The following MIA2 variants were observed in gnomAD, a reference collection of about 807,000 sequenced individuals.
MIA2 encodes melanoma inhibitory activity protein 2.
Under a neutral mutation model 167.8 loss-of-function variants are expected in MIA2, and 127 were observed. The observed-to-expected ratio is 0.76, with a 90% CI of 0.66 to 0.88. MIA2 has a LOEUF of 0.88. Ranked by LOEUF, MIA2 falls within the 40% of genes least tolerant of loss-of-function variation. MIA2 has a pLI of 0.00. For missense variants in MIA2, 1,690 were observed against 1,624.7 expected (o/e 1.04, Z -0.69); for synonymous variants, 552 against 541.9 (o/e 1.02, Z -0.26).
In MIA2 at chr14:39,247,469, G is replaced by C. The variant is rs758383265; in HGVS notation, c.895G>C (p.Glu299Gln). ...ACAGTCTGAACTAGCATCTGAGTCAGAGCACATTCCCAAACCTCAATCCAC... is the reference window on the plus strand; with the variant it reads ...ACAGTCTGAACTAGCATCTGAGTCACAGCACATTCCCAAACCTCAATCCAC... ...KTQSELASES[E>Q]HIPKPQSTGW... The change falls in exon 4 of 29, where the codon GAG (glutamate) becomes CAG (glutamine). Residue 299 changes from glutamate to glutamine, a missense_variant. Transcript: ENST00000640607. The C allele has an allele frequency of 3.6e-5, 58 of 1,613,784 alleles. No individual in the cohort carries two copies. Among genetic ancestry groups the C allele is most frequent in the Non-Finnish European group, 4.7e-5 (55 of 1,179,948 alleles).
intron 18 of MIA2, 128 bp downstream of exon 18, chr14:39,308,715 T>C (rs2063743279): frequency 3.7e-6 from 3 of 806,752 alleles, no homozygotes; most frequent in Non-Finnish European, 5.6e-6. Context: ...CATCAACTTA[T>C]TTTTAAGAAA....
At chr14:39,355,741 T>G (rs1240310281), downstream of MIA2, among the ~76,000 whole-genome samples, 1 of 152,220 alleles carries the variant, frequency 6.6e-6, no homozygotes. Context: ...ATACCTAATT[T>G]ATTGAGAGTT....
chr14:39,320,145 A>G (rs530176157), intron 23 of MIA2, among the ~76,000 whole-genome samples: 1 of 139,874 alleles, frequency 7.1e-6, no homozygotes, highest in African/African-American at 2.7e-5. Context: ...CAAGAAGGGT[A>G]ACTAATGCTT....
intron 20 of MIA2, 102 bp downstream of exon 20, chr14:39,314,901 C>T (rs1251599471): frequency 1.0e-5 from 9 of 892,834 alleles, no homozygotes; most frequent in Non-Finnish European, 7.9e-6. Flanking sequence ...AATTACTTGA[C>T]CAGTTGTATA....
intron 6 of MIA2, chr14:39,266,959 C>G: frequency 1.5e-6 from 1 of 683,954 alleles, no homozygotes; most frequent in Non-Finnish European, 1.8e-6. Flanking sequence ...GTGCGGCTCA[C>G]ACGACAGCGC....
chr14:39,258,371 T>G (rs932823537), intron 6 of MIA2, among the ~76,000 whole-genome samples: 4 of 152,214 alleles, frequency 2.6e-5, no homozygotes, highest in African/African-American at 9.6e-5. Context: ...TCCTCTTGAT[T>G]GATTTAGCTA....
At chr14:39,334,693 A>C (rs1299963369) in intron 25 of MIA2, among the ~76,000 whole-genome samples, 1 of 151,134 alleles carries the variant, frequency 6.6e-6, no homozygotes, top group Non-Finnish European at 1.5e-5. Context: ...CATCCTCCCG[A>C]GTACCCGGGA....
At chr14:39,267,493 T>C (rs777515592) in intron 6 of MIA2, 5 of 1,613,188 alleles carry the variant, frequency 3.1e-6, no homozygotes, top group Non-Finnish European at 3.4e-6. Flanking sequence ...TCAACCGTAT[T>C]TGGGGCTGCT....
At chr14:39,271,176 T>C (rs904665715) in intron 6 of MIA2, among the ~76,000 whole-genome samples, 1 of 152,222 alleles carries the variant, frequency 6.6e-6, no homozygotes, top group African/African-American at 2.4e-5. Context: ...CCTTGGCATG[T>C]GGATATTTAT....
chr14:39,298,431 ATATATATATAT>A (rs1304857195), intron 13 of MIA2, among the ~76,000 whole-genome samples: 1,100 of 20,520 alleles, frequency 0.054, 119 homozygotes, highest in African/African-American at 0.19. Context: ...ATATATATAT[ATATATATATAT>A]AAAGATTAGT....
chr14:39,367,331 G>C (rs914820187), intron 23 of MIA2, among the ~76,000 whole-genome samples: 3 of 152,174 alleles, frequency 2.0e-5, no homozygotes, highest in African/African-American at 7.2e-5. Flanking sequence ...GGAGATGCAG[G>C]GGCTGTTGAG....
intron 25 of MIA2, among the ~76,000 whole-genome samples, chr14:39,340,610 C>T (rs1327992350): frequency 1.3e-5 from 2 of 152,172 alleles, no homozygotes; most frequent in African/African-American, 2.4e-5. Context: ...TCTTAAGGCT[C>T]ATTTTGATCT....
chr14:39,311,632 C>T (rs140513607), intron 18 of MIA2, among the ~76,000 whole-genome samples: 2 of 150,434 alleles, frequency 1.3e-5, no homozygotes, highest in African/African-American at 4.9e-5. Context: ...CGTGCGCCAC[C>T]ACTCCTGGCT....
chr14:39,302,307 T>A (rs879930614), intron 15 of MIA2, 58 bp downstream of exon 15: 2 of 1,584,670 alleles, frequency 1.3e-6, no homozygotes, highest in Non-Finnish European at 1.7e-6. Context: ...TTCTATTTCC[T>A]TTTCGTTCCC....
intron 3 of MIA2, among the ~76,000 whole-genome samples, chr14:39,246,615 G>A (rs558630527): frequency 2.8e-4 from 43 of 152,258 alleles, no homozygotes; most frequent in South Asian, 6.2e-4. Context: ...AGGGAGGATT[G>A]TTTGAATCCT....
intron 6 of MIA2, among the ~76,000 whole-genome samples, chr14:39,260,302 A>T (rs1208826396): frequency 5.3e-5 from 8 of 152,176 alleles, no homozygotes. Flanking sequence ...ACAGTGGTTG[A>T]ACTAGTTTAC....
intron 23 of MIA2, among the ~76,000 whole-genome samples, chr14:39,364,489 T>A (rs1402405113): frequency 6.6e-6 from 1 of 152,118 alleles, no homozygotes; most frequent in Non-Finnish European, 1.5e-5. Context: ...TCCTTTTTGT[T>A]CCTTATTTGT....
intron 23 of MIA2, chr14:39,385,757 A>G: frequency 2.3e-6 from 2 of 879,874 alleles, no homozygotes; most frequent in Middle Eastern, 3.3e-4. Context: ...ATAATAGTAG[A>G]TGAATTTGTT....
At chr14:39,385,619 T>C in intron 23 of MIA2, 1 of 823,116 alleles carries the variant, frequency 1.2e-6, no homozygotes, top group Admixed American at 1.7e-5. Flanking sequence ...GTCTCTGGAT[T>C]GGGGCTTAAT....
Sources: gnomAD v4.1 joint callset for allele counts (sites outside exome capture counted in the v4.1 genomes callset) on GRCh38, gnomAD v4.1.1 for gene constraint, MANE v1.5 for transcripts, NCBI Gene and HGNC (gene_info 2026-07-23, HGNC 2026-07-21) for gene names.